The following GRID2 variants were observed in gnomAD, a reference collection of about 807,000 sequenced individuals.
GRID2 encodes the protein glutamate receptor ionotropic, delta-2.
GRID2 carries 33 observed loss-of-function variants against 114.8 expected under a neutral mutation model. The observed-to-expected ratio is 0.29, with a 90% CI of 0.22 to 0.38. The LOEUF is 0.38. Ranked by LOEUF, GRID2 falls within the 10% of genes least tolerant of loss-of-function variation. GRID2 has a pLI of 1.00. For synonymous variants in GRID2, 505 were observed against 449.9 expected, an observed-to-expected ratio of 1.12 and a Z score of -1.55; for missense variants, 1,184 against 1,257.7, an observed-to-expected ratio of 0.94 and a Z score of 0.89.
At chr4:92,666,739 A>T in intron 2 of GRID2, among the ~76,000 whole-genome samples, 1 of 137,990 alleles carries the variant, frequency 7.2e-6, no homozygotes, top group African/African-American at 2.7e-5. Flanking sequence ...CCGTATTTTC[A>T]GGTGCTGTGA....
intron 1 of GRID2, among the ~76,000 whole-genome samples, chr4:92,452,722 T>C (rs1720990089): frequency 6.6e-6 from 1 of 151,828 alleles, no homozygotes; most frequent in Non-Finnish European, 1.5e-5. Flanking sequence ...TTGTGAGAAC[T>C]TGTATTTGGA....
chr4:92,985,450 G>A (rs1187560269), intron 2 of GRID2, among the ~76,000 whole-genome samples: 1 of 151,974 alleles, frequency 6.6e-6, no homozygotes, highest in African/African-American at 2.4e-5. Context: ...TGTTAGCCAG[G>A]ATGGTCTCGA....
At chr4:93,369,467 A>G (rs1383028958) in intron 8 of GRID2, among the ~76,000 whole-genome samples, 1 of 152,110 alleles carries the variant, frequency 6.6e-6, no homozygotes, top group East Asian at 1.9e-4. Context: ...CTACAAAAGC[A>G]TTTTCTAACA....
At chr4:93,049,931 T>A (rs1047369688) in intron 2 of GRID2, among the ~76,000 whole-genome samples, 11 of 152,030 alleles carry the variant, frequency 7.2e-5, no homozygotes. Context: ...TCCTATGTTA[T>A]TATTGGTAGA....
At chr4:92,736,465 C>G (rs751373177) in intron 2 of GRID2, among the ~76,000 whole-genome samples, 1 of 152,002 alleles carries the variant, frequency 6.6e-6, no homozygotes, top group East Asian at 1.9e-4. Context: ...GTAGGAAAAT[C>G]GTACAGTTCT....
intron 1 of GRID2, among the ~76,000 whole-genome samples, chr4:92,412,757 T>G (rs1044481114): frequency 7.2e-5 from 11 of 152,200 alleles, no homozygotes; most frequent in African/African-American, 2.4e-4. Flanking sequence ...AACTCTGAAT[T>G]GCTTACAGGT....
In GRID2 at chr4:92,898,342, C is replaced by G. The variant is rs529946941; in HGVS notation, c.245-186653C>G. The stretch of plus-strand genomic sequence containing the variant: ...ATTTTTAACCATATATAGAACCTAG[C>G]TCTGATAGACTTGAAACAAATAACA... On this transcript the variant is annotated intron_variant, in intron 2 of 15. Coordinates refer to ENST00000282020, the MANE Select transcript of GRID2 (RefSeq NM_001510.4). 3.3e-5 allele frequency among the ~76,000 whole-genome samples: 5 copies of G among 152,202 alleles called. No individual in the cohort carries two copies. In the South Asian group the frequency reaches 1.0e-3, roughly 31 times the overall value.
chr4:92,423,524 G>A (rs1230734645), intron 1 of GRID2, among the ~76,000 whole-genome samples: 2 of 152,102 alleles, frequency 1.3e-5, no homozygotes, highest in East Asian at 1.9e-4. Flanking sequence ...AGATGGTATA[G>A]AGTTTAAAAA....
chr4:92,351,095 T>C (rs941116853), intron 1 of GRID2, among the ~76,000 whole-genome samples: 3 of 151,928 alleles, frequency 2.0e-5, no homozygotes, highest in Non-Finnish European at 4.4e-5. Flanking sequence ...ATTTGGGTTG[T>C]TTCCACTTTT....
At chr4:92,682,543 A>G (rs1733699644) in intron 2 of GRID2, among the ~76,000 whole-genome samples, 1 of 152,142 alleles carries the variant, frequency 6.6e-6, no homozygotes, top group Admixed American at 6.5e-5. Context: ...TACCATTCAA[A>G]CCCAGCCAAG....
chr4:93,039,535 G>T (rs1174745428), intron 2 of GRID2, among the ~76,000 whole-genome samples: 1 of 151,910 alleles, frequency 6.6e-6, no homozygotes, highest in Non-Finnish European at 1.5e-5. Context: ...GTCCTCATTA[G>T]TTGGAATACA....
At chr4:93,384,878 A>T (rs1193833751) in intron 8 of GRID2, among the ~76,000 whole-genome samples, 1 of 152,196 alleles carries the variant, frequency 6.6e-6, no homozygotes, top group Non-Finnish European at 1.5e-5. Flanking sequence ...TATGGGAAGC[A>T]TATTTAGGAG....
chr4:93,726,999 C>G (rs1357387034), intron 14 of GRID2, among the ~76,000 whole-genome samples: 1 of 152,148 alleles, frequency 6.6e-6, no homozygotes, highest in East Asian at 1.9e-4. Flanking sequence ...CCTGATTGCC[C>G]TGGCCAGAAC....
At chr4:93,288,514 T>C (rs1753413156) in intron 8 of GRID2, among the ~76,000 whole-genome samples, 1 of 152,134 alleles carries the variant, frequency 6.6e-6, no homozygotes, top group African/African-American at 2.4e-5. Context: ...GGCCACTATC[T>C]TGCAGGAGAA....
chr4:93,258,630 G>A (rs548659901), intron 8 of GRID2, among the ~76,000 whole-genome samples: 56 of 151,612 alleles, frequency 3.7e-4, no homozygotes, highest in Non-Finnish European at 7.1e-4. Context: ...GATTTGAAAA[G>A]CAGCAGGATG....
intron 14 of GRID2, among the ~76,000 whole-genome samples, chr4:93,699,728 G>T (rs12506008): frequency 0.44 from 66,830 of 151,826 alleles, 15,079 homozygotes; most frequent in East Asian, 0.72. Flanking sequence ...AAAAGTTAAA[G>T]AACTGAAGAA....
At chr4:92,515,317 C>T (rs1344859808) in intron 1 of GRID2, among the ~76,000 whole-genome samples, 2 of 151,794 alleles carry the variant, frequency 1.3e-5, no homozygotes, top group Non-Finnish European at 2.9e-5. Flanking sequence ...ACTGTAGTGC[C>T]CGTCACCTTG....
intron 2 of GRID2, among the ~76,000 whole-genome samples, chr4:92,681,104 A>G (rs1195605369): frequency 1.3e-5 from 2 of 152,232 alleles, no homozygotes; most frequent in African/African-American, 4.8e-5. Context: ...AATTTCAAAT[A>G]AAAGGATTAT....
rs1424250778 is a variant in GRID2, at chr4:93,727,604, T to A, written c.2361-41606T>A. ...ACTTCTGGTAGAATTCGGCTGTGAA[T>A]CCATCTGGTCCTGGACTTTTTTTGG... On this transcript the variant is annotated intron_variant, in intron 14 of 15. Transcript: ENST00000282020. 2.0e-5 allele frequency among the ~76,000 whole-genome samples: 3 copies of A among 152,318 alleles called. No individual in the cohort carries two copies. The East Asian group carries it at 5.8e-4, about 29-fold the overall frequency.
Sources: gnomAD v4.1 joint callset for allele counts (sites outside exome capture counted in the v4.1 genomes callset) on GRCh38, gnomAD v4.1.1 for gene constraint, MANE v1.5 for transcripts, NCBI Gene and HGNC (gene_info 2026-07-23, HGNC 2026-07-21) for gene names.